Variants in TSC22D1 observed in about 807,000 individuals in gnomAD.
The protein encoded by TSC22D1 is TSC22 domain family member 1.
Under a neutral mutation model 74.2 loss-of-function variants are expected in TSC22D1, and 9 were observed. The observed-to-expected ratio is 0.12, with a 90% confidence interval of 0.07 to 0.21. The LOEUF (loss-of-function observed/expected upper bound fraction) is 0.21, where lower values mean the gene tolerates loss of function less well. Among genes scored for constraint, TSC22D1 ranks in the 10% least tolerant of loss-of-function variants. TSC22D1 has a pLI of 1.00. For missense variants in TSC22D1, 1,427 were observed against 1,304.7 expected, an observed-to-expected ratio of 1.09 and a Z score of -1.44; for synonymous variants, 586 against 492.5, an observed-to-expected ratio of 1.19 and a Z score of -2.51.
intron 1 of TSC22D1, among the ~76,000 whole-genome samples, chr13:44,513,218 G>A (rs1879821872): frequency 1.3e-5 from 2 of 152,152 alleles, no homozygotes; most frequent in African/African-American, 2.4e-5. Flanking sequence ...ATCCTATTAA[G>A]TGAGCTTCTG....
intron 1 of TSC22D1, chr13:44,539,971 A>T (rs1881368520): frequency 8.0e-7 from 1 of 1,250,556 alleles, no homozygotes; most frequent in African/African-American, 1.5e-5. Flanking sequence ...TCTTATTAAG[A>T]AATTACATTC....
chr13:44,526,325 A>C (rs952493739), intron 1 of TSC22D1, among the ~76,000 whole-genome samples: 2 of 152,162 alleles, frequency 1.3e-5, no homozygotes, highest in South Asian at 4.1e-4. Context: ...ATAAGCAAAG[A>C]GATGAAAATT....
rs760511284 is a variant in TSC22D1, at chr13:44,573,496, G to T, written c.2579C>A (p.Thr860Asn). 6.2e-7 allele frequency: 1 copy of T among 1,614,236 alleles called. No homozygotes were observed. Among genetic ancestry groups the T allele is most frequent in the Non-Finnish European group, 8.5e-7 (1 of 1,180,048 alleles). ...CAAATTACCATTTTGGGTAGCAGGG[G>T]TTTGTGCTATATTTTGTGGTGGAAC... ...NLVPPQNIAQTPATQNGNLVQ... is the reference protein window; with the variant it reads ...NLVPPQNIAQNPATQNGNLVQ... The change falls in exon 1 of 3, where the codon ACC becomes AAC. Residue 860 changes from threonine to asparagine, a missense_variant. This residue lies in a region of TSC22D1 where 1,343 missense variants were observed against 1,191.5 expected (regional missense o/e 1.13). Coordinates refer to ENST00000458659, the MANE Select transcript of TSC22D1 (RefSeq NM_183422.4).
intron 1 of TSC22D1, among the ~76,000 whole-genome samples, chr13:44,509,917 A>G (rs2138005851): frequency 6.9e-6 from 1 of 144,354 alleles, no homozygotes; most frequent in East Asian, 2.2e-4. Context: ...TTAAAACAAG[A>G]TATTATTTTC....
At chr13:44,522,280 G>A (rs1043998186) in intron 1 of TSC22D1, among the ~76,000 whole-genome samples, 10 of 152,200 alleles carry the variant, frequency 6.6e-5, no homozygotes, top group Admixed American at 5.2e-4. Context: ...GGAAGAAAAG[G>A]TAGGGCCTGA....
intron 1 of TSC22D1, among the ~76,000 whole-genome samples, chr13:44,551,387 T>TG (rs1223754453): frequency 1.2e-5 from 1 of 85,196 alleles, no homozygotes; most frequent in East Asian, 3.2e-4. Context: ...CCCAATCAGA[T>TG]GGGTGTGTGT....
intron 1 of TSC22D1, among the ~76,000 whole-genome samples, chr13:44,540,567 T>C (rs1881408046): frequency 6.6e-6 from 1 of 152,182 alleles, no homozygotes; most frequent in Non-Finnish European, 1.5e-5. Flanking sequence ...GGCAGAATAG[T>C]GGATATAGGC....
In TSC22D1 at chr13:44,575,204, T is replaced by A. The variant is rs771720061; in HGVS notation, c.871A>T (p.Thr291Ser). ...SSSGSPASVMTNMRAPSTTGG... is the reference protein window; with the variant it reads ...SSSGSPASVMSNMRAPSTTGG... ...GTAGTACTTGGAGCACGCATATTAG[T>A]CATTACAGATGCAGGTGAACCACTG... is the stretch of plus-strand genomic sequence containing the variant. Residue 291 changes from threonine (T) to serine (S), a missense_variant, in exon 1 of 3, where the codon ACT becomes TCT. Coordinates refer to ENST00000458659, the MANE Select transcript of TSC22D1 (RefSeq NM_183422.4). 2.5e-6 allele frequency: 4 copies of A among 1,613,938 alleles called. No individual in the cohort carries two copies. The East Asian group carries it at 8.9e-5, about 36-fold the overall frequency.
At chr13:44,463,104 T>A (rs371491050) in intron 1 of TSC22D1, among the ~76,000 whole-genome samples, 1 of 152,136 alleles carries the variant, frequency 6.6e-6, no homozygotes, top group Non-Finnish European at 1.5e-5. Flanking sequence ...AAGCTGATCA[T>A]ACAAGAAAAT....
At chr13:44,576,979 G>A (rs1166589925), upstream of TSC22D1, 1 of 152,596 alleles carries the variant, frequency 6.6e-6, no homozygotes, top group Non-Finnish European at 1.5e-5. Context: ...AGCCTCTCCG[G>A]AGGGCGGCGG....
chr13:44,445,591 C>A (rs944905310), intron 1 of TSC22D1, among the ~76,000 whole-genome samples: 17 of 151,982 alleles, frequency 1.1e-4, no homozygotes, highest in Non-Finnish European at 2.1e-4. Context: ...AAAAAACAAA[C>A]TATAGACCAG....
intron 1 of TSC22D1, among the ~76,000 whole-genome samples, chr13:44,519,950 CAT>C (rs1395269638): frequency 1.3e-5 from 2 of 152,110 alleles, no homozygotes; most frequent in East Asian, 1.9e-4. Context: ...TAACTGAACA[CAT>C]GTGGGTGACA....
intron 1 of TSC22D1, among the ~76,000 whole-genome samples, chr13:44,492,349 A>G (rs558246640): frequency 2.0e-4 from 31 of 152,344 alleles, no homozygotes; most frequent in Admixed American, 5.2e-4. Context: ...CTCAAAGTGA[A>G]AAAACAGAAT....
intron 1 of TSC22D1, among the ~76,000 whole-genome samples, chr13:44,556,176 A>G (rs1006206071): frequency 1.3e-5 from 2 of 151,948 alleles, no homozygotes; most frequent in African/African-American, 4.8e-5. Context: ...AACATTTATA[A>G]GTGAATCAGG....
intron 1 of TSC22D1, among the ~76,000 whole-genome samples, chr13:44,443,817 C>CT (rs1177137570): frequency 6.6e-6 from 1 of 152,084 alleles, no homozygotes; most frequent in African/African-American, 2.4e-5. Flanking sequence ...GCTGAGTACA[C>CT]TATGATAAGT....
At chr13:44,521,122 T>C (rs1880294397) in intron 1 of TSC22D1, among the ~76,000 whole-genome samples, 1 of 152,156 alleles carries the variant, frequency 6.6e-6, no homozygotes, top group African/African-American at 2.4e-5. Flanking sequence ...CTTATTGGGC[T>C]TAAGACTGCC....
chr13:44,450,500 A>G (rs1250589015), intron 1 of TSC22D1, among the ~76,000 whole-genome samples: 1 of 152,198 alleles, frequency 6.6e-6, no homozygotes, highest in Admixed American at 6.5e-5. Context: ...AACTGGGGGT[A>G]AAAGGAAGGA....
chr13:44,478,639 T>C (rs1195031039), intron 1 of TSC22D1, among the ~76,000 whole-genome samples: 2 of 152,206 alleles, frequency 1.3e-5, no homozygotes, highest in Non-Finnish European at 2.9e-5. Context: ...GAGCCAATGA[T>C]AGTAAATTTA....
In TSC22D1 at chr13:44,433,540, C is replaced by A. The variant is rs1354231929; in HGVS notation, c.*1086G>T. 1 of 154,288 alleles carries A rather than the reference C, an allele frequency of 6.5e-6. No homozygotes were observed. Among genetic ancestry groups the A allele is most frequent in the African/African-American group, 2.4e-5 (1 of 41,518 alleles). The allele number at this position is 154,288 out of a possible 1,614,324, so 9.6% of individuals were successfully genotyped here. A position where few individuals can be genotyped will look rare whatever the true frequency, so the allele number is the denominator to read the frequency against. On this transcript the variant is annotated 3_prime_UTR_variant, in exon 3 of 3. Coordinates refer to ENST00000458659, the MANE Select transcript of TSC22D1 (RefSeq NM_183422.4). ...ACACTTGTTTATCAACATTTATATGCTTTATTGAAAGTTGACAAGTGCAAC... is the reference window on the plus strand; with the variant it reads ...ACACTTGTTTATCAACATTTATATGATTTATTGAAAGTTGACAAGTGCAAC...
Sources: allele counts gnomAD v4.1 joint callset (sites outside exome capture counted in the v4.1 genomes callset), GRCh38; gene constraint gnomAD v4.1.1; regional missense constraint gnomAD v4.1.1; transcripts MANE v1.5; gene names NCBI Gene and HGNC (gene_info 2026-07-23, HGNC 2026-07-21).